The following SLC8A1 variants were observed in gnomAD, a reference collection of about 807,000 sequenced individuals.
The protein encoded by SLC8A1 is sodium/calcium exchanger 1.
SLC8A1 carries 18 observed loss-of-function variants against 68.3 expected under a neutral mutation model. The observed-to-expected ratio is 0.26, with a 90% confidence interval of 0.18 to 0.39. The LOEUF is 0.39. Among genes scored for constraint, SLC8A1 ranks in the 10% least tolerant of loss-of-function variants. SLC8A1 has a pLI of 1.00. For missense variants in SLC8A1, 985 were observed against 1,156.7 expected (o/e 0.85, Z 2.15); for synonymous variants, 475 against 415.5 (o/e 1.14, Z -1.74).
intron 2 of SLC8A1, among the ~76,000 whole-genome samples, chr2:40,238,362 G>A (rs906662436): frequency 2.6e-5 from 4 of 152,140 alleles, no homozygotes; most frequent in African/African-American, 4.8e-5. Flanking sequence ...GGAGTGACCC[G>A]ATTTTCCAGG....
chr2:40,135,920 G>T (rs1264841688), intron 7 of SLC8A1, among the ~76,000 whole-genome samples: 2 of 152,176 alleles, frequency 1.3e-5, no homozygotes, highest in Non-Finnish European at 2.9e-5. Flanking sequence ...GTAATTCTGA[G>T]CTGCAAATTA....
At chr2:40,319,190 C>T (rs146971038) in intron 2 of SLC8A1, among the ~76,000 whole-genome samples, 223 of 152,158 alleles carry the variant, frequency 1.5e-3, no homozygotes, top group African/African-American at 5.2e-3. Context: ...TTATGAGATG[C>T]GTGTGATCAC....
chr2:40,347,099 G>A (rs944217557), intron 2 of SLC8A1, among the ~76,000 whole-genome samples: 3 of 152,152 alleles, frequency 2.0e-5, no homozygotes, highest in Non-Finnish European at 4.4e-5. Context: ...TGTGTCTTCT[G>A]TGCCTAGGTT....
chr2:40,171,172 A>T (rs2047425946), intron 4 of SLC8A1, among the ~76,000 whole-genome samples: 1 of 152,198 alleles, frequency 6.6e-6, no homozygotes, highest in Non-Finnish European at 1.5e-5. Flanking sequence ...TCTGACTCTC[A>T]GGCTTCTCAG....
chr2:40,476,111 T>C lies in SLC8A1; in HGVS notation c.-25+36238A>G, dbSNP rs1417499047. Among the ~76,000 whole-genome samples, 6 of 152,330 alleles carry C rather than the reference T, an allele frequency of 3.9e-5. No homozygotes were observed. The East Asian group carries it at 1.2e-3, about 29-fold the overall frequency. ...AGCATTTTGAGGTTAGTTGTGGAAC[T>C]TCTTGATTTTTCTATGCAAGTGTAA... On this transcript the variant is annotated intron_variant, in intron 1 of 7. Coordinates refer to the SLC8A1 transcript ENST00000402441.
intron 1 of SLC8A1, among the ~76,000 whole-genome samples, chr2:40,510,034 G>C (rs954647684): frequency 6.6e-6 from 1 of 152,024 alleles, no homozygotes; most frequent in African/African-American, 2.4e-5. Flanking sequence ...CACTATGTTG[G>C]CCAGGAGGGT....
chr2:40,296,640 A>G (rs2070443457), intron 2 of SLC8A1, among the ~76,000 whole-genome samples: 1 of 152,210 alleles, frequency 6.6e-6, no homozygotes, highest in African/African-American at 2.4e-5. Flanking sequence ...AAAATTTTCA[A>G]TGTAAATAAA....
intron 2 of SLC8A1, among the ~76,000 whole-genome samples, chr2:40,336,812 T>C (rs1441294691): frequency 6.6e-6 from 1 of 152,196 alleles, no homozygotes; most frequent in Non-Finnish European, 1.5e-5. Context: ...TAGACTGTGG[T>C]GTCAGAGATG....
intron 1 of SLC8A1, among the ~76,000 whole-genome samples, chr2:40,483,963 G>C (rs1446835153): frequency 6.6e-6 from 1 of 152,186 alleles, no homozygotes; most frequent in Non-Finnish European, 1.5e-5. Context: ...TTTATTGTGA[G>C]TTTCTGTCAT....
At chr2:40,435,414 A>G (rs1453745851) in intron 1 of SLC8A1, among the ~76,000 whole-genome samples, 2 of 73,266 alleles carry the variant, frequency 2.7e-5, no homozygotes, top group Non-Finnish European at 5.0e-5. Flanking sequence ...GATTTCAGGA[A>G]AAAAAAAACC....
chr2:40,485,781 A>G lies in SLC8A1; in HGVS notation c.-25+26568T>C, dbSNP rs536702450. Among the ~76,000 whole-genome samples, 10 of 152,350 alleles carry G rather than the reference A, an allele frequency of 6.6e-5. No individual in the cohort carries two copies. In the East Asian group the frequency reaches 1.3e-3, roughly 21 times the overall value. ...AAACTTCACCAATCATGGAATTTCTAGCAAAAGAGAGAGGGCATTTTATAT... is the reference window on the plus strand; with the variant it reads ...AAACTTCACCAATCATGGAATTTCTGGCAAAAGAGAGAGGGCATTTTATAT... On this transcript the variant is annotated intron_variant, in intron 1 of 7. Transcript: ENST00000402441.
intron 5 of SLC8A1, among the ~76,000 whole-genome samples, chr2:40,162,049 T>C (rs558117747): frequency 1.3e-5 from 2 of 152,282 alleles, no homozygotes; most frequent in African/African-American, 2.4e-5. Context: ...ACTTGAAACA[T>C]TGAGAAGATA....
chr2:40,457,522 C>T (rs954741601), intron 1 of SLC8A1, among the ~76,000 whole-genome samples: 1 of 152,156 alleles, frequency 6.6e-6, no homozygotes, highest in Non-Finnish European at 1.5e-5. Context: ...ATTGACTAAA[C>T]TTATGGGTGT....
intron 3 of SLC8A1, chr2:40,176,080 A>G (rs542420962): frequency 5.1e-6 from 2 of 393,192 alleles, no homozygotes; most frequent in Admixed American, 3.1e-5. Flanking sequence ...CTTTAAGCCC[A>G]GAATGTACTG....
At chr2:40,213,655 C>T (rs1391611345) in intron 2 of SLC8A1, among the ~76,000 whole-genome samples, 1 of 152,186 alleles carries the variant, frequency 6.6e-6, no homozygotes, top group Non-Finnish European at 1.5e-5. Context: ...ATCCCAAGGA[C>T]ATTTTTTCCC....
intron 2 of SLC8A1, among the ~76,000 whole-genome samples, chr2:40,288,342 A>T (rs2068666434): frequency 1.3e-5 from 2 of 152,302 alleles, no homozygotes; most frequent in South Asian, 4.1e-4. Flanking sequence ...AAGGTTTTAC[A>T]ATAGGCTTCA....
At chr2:40,509,440 T>G (rs946555790) in intron 1 of SLC8A1, among the ~76,000 whole-genome samples, 155 of 110,300 alleles carry the variant, frequency 1.4e-3, no homozygotes, top group African/African-American at 4.5e-3. Flanking sequence ...ATTTGGAATT[T>G]TTTTTTTTTT....
chr2:40,345,678 G>T (rs1404876849), intron 2 of SLC8A1, among the ~76,000 whole-genome samples: 1 of 152,118 alleles, frequency 6.6e-6, no homozygotes, highest in Non-Finnish European at 1.5e-5. Context: ...AAAAGAATAA[G>T]TTCATGCCAT....
intron 1 of SLC8A1, among the ~76,000 whole-genome samples, chr2:40,468,490 AT>A (rs1379985548): frequency 6.6e-5 from 10 of 152,162 alleles, no homozygotes; most frequent in African/African-American, 2.4e-4. Context: ...TGAAACACGA[AT>A]AATTTTTAGA....
Sources: allele counts gnomAD v4.1 joint callset (sites outside exome capture counted in the v4.1 genomes callset), GRCh38; gene constraint gnomAD v4.1.1; transcripts MANE v1.5; gene names NCBI Gene and HGNC (gene_info 2026-07-23, HGNC 2026-07-21).